GATA5: variants seen among roughly 807,000 people sequenced by gnomAD.
The protein encoded by GATA5 is GATA binding protein 5.
Under a neutral mutation model 35.0 loss-of-function variants are expected in GATA5, and 27 were observed. That is an observed-to-expected ratio of 0.77 (90% CI 0.57 to 1.06). The LOEUF is 1.06. Ranked by LOEUF, GATA5 falls within the 50% of genes least tolerant of loss-of-function variation. GATA5 has a pLI of 0.00. For missense variants in GATA5, 612 were observed against 580.0 expected (o/e 1.06, Z -0.57); for synonymous variants, 306 against 267.8 (o/e 1.14, Z -1.39).
intron 3 of GATA5, among the ~76,000 whole-genome samples, chr20:62,469,310 C>G (rs751250721): frequency 6.6e-6 from 1 of 152,224 alleles, no homozygotes; most frequent in African/African-American, 2.4e-5. Context: ...CACATGGAAC[C>G]GTGTGTGGCC....
intron 2 of GATA5, among the ~76,000 whole-genome samples, chr20:62,474,240 G>A (rs1009954994): frequency 3.9e-5 from 6 of 152,336 alleles, no homozygotes; most frequent in Non-Finnish European, 8.8e-5. Flanking sequence ...TCCCCTCCAG[G>A]CCCGGCCCGG....
At position 62,465,867 on chromosome 20, in the gene GATA5, G is replaced by A; in HGVS notation, c.880C>T (p.Pro294Ser). ...KESIQTRKRK[P>S]KTIAKARGSS... Reference sequence around the variant, plus strand: ...CCCCTGGCCTTGGCGATGGTCTTTGGCTTCCGCTTCCGTGTCTGGATGCTT... The same window carrying A: ...CCCCTGGCCTTGGCGATGGTCTTTGACTTCCGCTTCCGTGTCTGGATGCTT... Residue 294 changes from proline (P) to serine (S), a missense_variant, in exon 5 of 7, where the codon CCA becomes TCA. Coordinates refer to ENST00000252997, the MANE Select transcript of GATA5 (RefSeq NM_080473.5). The A allele has an allele frequency of 1.3e-6, 2 of 1,596,982 alleles. No individual in the cohort carries two copies. Among genetic ancestry groups the A allele is most frequent in the South Asian group, 1.1e-5 (1 of 87,936 alleles).
rs1166478514 is a variant in GATA5 at position 62,470,322 on chromosome 20, A to G, written c.699+3081T>C. 6.6e-6 allele frequency among the ~76,000 whole-genome samples: 1 copy of G among 152,246 alleles called. No individual in the cohort carries two copies. The highest frequency in any genetic ancestry group is 1.5e-5 in the Non-Finnish European group (1 of 68,040). ...TGCAGGTCACAGTGACCCGCAGTGC[A>G]GCAGCCTCCTCTGAGATGGAAGACT... On this transcript the variant is annotated intron_variant, in intron 3 of 6. Transcript: ENST00000252997. This position sits in a 1 kb window ranked among gnomAD's most constrained non-coding sequence, Gnocchi z 4.6.
intron 2 of GATA5, 135 bp downstream of exon 2, chr20:62,474,864 C>A: frequency 1.5e-6 from 1 of 687,374 alleles, no homozygotes; most frequent in Non-Finnish European, 2.0e-6. Flanking sequence ...CGTCTCGCCC[C>A]GGGGCTGCTG....
At chr20:62,472,100 C>T (rs1989737112) in intron 3 of GATA5, among the ~76,000 whole-genome samples, 1 of 152,080 alleles carries the variant, frequency 6.6e-6, no homozygotes, top group Non-Finnish European at 1.5e-5. Flanking sequence ...CACGTGGACG[C>T]CAGGCTGGAA....
At position 62,475,092 on chromosome 20, in the gene GATA5, C is replaced by G; in HGVS notation, c.430G>C (p.Ala144Pro). 1 of 1,406,732 alleles carries G rather than the reference C, an allele frequency of 7.1e-7. No homozygotes were observed. The highest frequency in any genetic ancestry group is 9.3e-7 in the Non-Finnish European group (1 of 1,076,528). 87.1% of individuals were successfully genotyped at this position (1,406,732 alleles called of 1,614,324 possible). Reference protein sequence around the residue: ...VGTSYSATYPAYVSPDVAQSW... With the variant: ...VGTSYSATYPPYVSPDVAQSW... ...TGGGCCACGTCGGGGCTCACGTAGG[C>G]CGGGTAGGTGGCGGAGTACGAGGTC... The change falls in exon 2 of 7, where the codon GCC becomes CCC. Residue 144 changes from alanine (A) to proline (P), a missense_variant. Ala to Pro is a conservative substitution (Grantham distance 27, BLOSUM62 -1). Coordinates refer to ENST00000252997, the MANE Select transcript of GATA5 (RefSeq NM_080473.5).
intron 3 of GATA5, 34 bp downstream of exon 3, chr20:62,473,369 C>T (rs782412130): frequency 4.2e-5 from 66 of 1,578,606 alleles, no homozygotes; most frequent in South Asian, 3.5e-4. Flanking sequence ...GGGAGCACTG[C>T]GCCCAGGCGC....
chr20:62,466,033 G>GT, intron 4 of GATA5, 112 bp from the exon 5 acceptor site: 1 of 785,700 alleles, frequency 1.3e-6, no homozygotes. Context: ...GGAGCTGGCT[G>GT]TGTCCTCACA....
chr20:62,466,594 C>T (rs530359964), intron 3 of GATA5, 43 bp from the exon 4 acceptor site: 16 of 1,530,822 alleles, frequency 1.0e-5, no homozygotes, highest in Middle Eastern at 1.7e-4. Context: ...GGGCCGGGTG[C>T]GCGGCTGGAG....
Position 62,464,849 on chromosome 20 carries a change from A to G in GATA5, c.1181T>C (p.Leu394Pro), listed in dbSNP as rs1555895853. The change falls in exon 7 of 7, where the codon CTG becomes CCG. Residue 394 changes from leucine to proline, a missense_variant. Coordinates refer to ENST00000252997, the MANE Select transcript of GATA5 (RefSeq NM_080473.5). ...TGGCCTGGGGACCTAGGCCAAGGCC[A>G]GCGCACACCAGGCCTCTTGGCGCAG... ...GALRQEAWCA[L>P]ALA 1.4e-5 allele frequency: 22 copies of G among 1,603,642 alleles called. No individual in the cohort carries two copies. The highest frequency in any genetic ancestry group is 2.2e-5 in the South Asian group (2 of 90,574).
chr20:62,475,017 C>G lies in GATA5; in HGVS notation c.505G>C (p.Gly169Arg), dbSNP rs782427595. The change falls in exon 2 of 7, where the codon GGC (glycine) becomes CGC (arginine). Residue 169 changes from glycine to arginine, a missense_variant. Coordinates refer to ENST00000252997, the MANE Select transcript of GATA5 (RefSeq NM_080473.5). ...CACTCACCGAAGGTGGGCCTGCGGC[C>G]TGGGAGGCCGTGCAGGACGCTGCCA... is the stretch of plus-strand genomic sequence containing the variant. ...FDGSVLHGLP[G>R]RRPTFVSDFL... 2 of 1,367,198 alleles carry G rather than the reference C, an allele frequency of 1.5e-6. No homozygotes were observed. Among genetic ancestry groups the G allele is most frequent in the Non-Finnish European group, 1.9e-6 (2 of 1,055,730 alleles). The allele number at this position is 1,367,198 out of a possible 1,614,324, so 84.7% of individuals were successfully genotyped here.
chr20:62,471,810 C>T (rs1339422719), intron 3 of GATA5, among the ~76,000 whole-genome samples: 1 of 151,164 alleles, frequency 6.6e-6, no homozygotes, highest in Non-Finnish European at 1.5e-5. Flanking sequence ...CTTACTATAC[C>T]CTTGAACTCT....
chr20:62,465,459 T>G lies in GATA5; in HGVS notation c.919A>C (p.Thr307Pro). ...IAKARGSSGSTRNASASPSAV... is the reference protein window; with the variant it reads ...IAKARGSSGSPRNASASPSAV... ...GATGGGGAGGCCGAGGCATTCCTTG[T>G]GGATCCTGGAAGCGAAGAGGGGGTG... The change falls in exon 6 of 7, where the codon ACA (threonine) becomes CCA (proline). Residue 307 changes from threonine (T) to proline (P), a missense_variant. By Grantham distance (38) the Thr-to-Pro change is conservative (BLOSUM62 -1). Coordinates refer to ENST00000252997, the MANE Select transcript of GATA5 (RefSeq NM_080473.5). The G allele has an allele frequency of 6.2e-7, 1 of 1,607,264 alleles. No individual in the cohort carries two copies. The highest frequency in any genetic ancestry group is 8.5e-7 in the Non-Finnish European group (1 of 1,179,192).
Position 62,465,929 on chromosome 20 carries a change from G to T in GATA5, c.826-8C>A, listed in dbSNP as rs1225263565. The T allele has an allele frequency of 1.9e-6, 3 of 1,568,094 alleles. No homozygotes were observed. Among genetic ancestry groups the T allele is most frequent in the Non-Finnish European group, 2.6e-6 (3 of 1,155,118 alleles). Reference sequence around the variant, plus strand: ...AGCCAGAGGCCGCGGCACCTGGCAGGGGTGGCGAGGGTGGAGGCTGGTCCC... The same window carrying T: ...AGCCAGAGGCCGCGGCACCTGGCAGTGGTGGCGAGGGTGGAGGCTGGTCCC... On this transcript the variant is annotated splice_polypyrimidine_tract_variant and splice_region_variant and intron_variant, in intron 4 of 6. Coordinates refer to ENST00000252997, the MANE Select transcript of GATA5 (RefSeq NM_080473.5).
At chr20:62,465,225 G>T in intron 6 of GATA5, 115 bp downstream of exon 6, 1 of 1,181,912 alleles carries the variant, frequency 8.5e-7, no homozygotes, top group Non-Finnish European at 1.2e-6. Context: ...AAGGCAGCCG[G>T]TGTGTCCAGC....
In GATA5 at chr20:62,470,791, G is replaced by T. The variant is rs138295999; in HGVS notation, c.699+2612C>A. 6.6e-6 allele frequency among the ~76,000 whole-genome samples: 1 copy of T among 152,270 alleles called. No individual in the cohort carries two copies. Among genetic ancestry groups the T allele is most frequent in the Admixed American group, 6.5e-5 (1 of 15,302 alleles). ...GGCCCAAGAGCTCCCAACCGTGTCC[G>T]AGCACAGAGCCAGACCATGGGGAGA... On this transcript the variant is annotated intron_variant, in intron 3 of 6. Transcript: ENST00000252997. The surrounding 1 kb of genome is among the most constrained non-coding windows in gnomAD (Gnocchi z 4.6).
chr20:62,469,804 G>A (rs1361975553), intron 3 of GATA5, among the ~76,000 whole-genome samples: 3 of 152,210 alleles, frequency 2.0e-5, no homozygotes, highest in African/African-American at 4.8e-5. Context: ...GCTATTGTAC[G>A]AGTGGGAGGC....
chr20:62,475,483 C>T lies in GATA5; in HGVS notation c.39G>A (p.Gln13=). The change falls in exon 2 of 7, where the codon CAG becomes CAA. Residue 13 remains glutamine, a synonymous_variant. Coordinates refer to ENST00000252997, the MANE Select transcript of GATA5 (RefSeq NM_080473.5). ...AGGAGCCCGAGTCGGCGTAGGCGGC[C>T]TGGCGGGGGCTCGCGGCCAGCGCCA... is the stretch of plus-strand genomic sequence containing the variant. ...QSLALAASPR[Q]AAYADSGSFL... 7.5e-7 allele frequency: 1 copy of T among 1,324,792 alleles called. No homozygotes were observed. Among genetic ancestry groups the T allele is most frequent in the Non-Finnish European group, 9.6e-7 (1 of 1,040,284 alleles). 82.1% of individuals were successfully genotyped at this position (1,324,792 alleles called of 1,614,324 possible).
intron 3 of GATA5, 27 bp downstream of exon 3, chr20:62,473,376 G>T: frequency 6.3e-7 from 1 of 1,585,686 alleles, no homozygotes; most frequent in Non-Finnish European, 8.6e-7. Context: ...CTGCGCCCAG[G>T]CGCCCCTCTG....
Sources: allele counts gnomAD v4.1 joint callset (sites outside exome capture counted in the v4.1 genomes callset), GRCh38; gene constraint gnomAD v4.1.1; non-coding constraint Gnocchi (gnomAD v3.1); transcripts MANE v1.5; gene names NCBI Gene and HGNC (gene_info 2026-07-23, HGNC 2026-07-21).